The following LRRC31 variants were observed in gnomAD, a reference collection of about 807,000 sequenced individuals.
The protein encoded by LRRC31 is leucine-rich repeat-containing protein 31.
LRRC31 carries 35 observed loss-of-function variants against 46.7 expected under a neutral mutation model. The observed-to-expected ratio is 0.75, with a 90% CI of 0.57 to 0.99. LRRC31 has a LOEUF of 0.99. Ranked by LOEUF, LRRC31 falls within the 50% of genes least tolerant of loss-of-function variation. LRRC31 has a pLI of 0.00. For missense variants in LRRC31, 613 were observed against 626.1 expected, an observed-to-expected ratio of 0.98 and a Z score of 0.22; for synonymous variants, 236 against 235.1, an observed-to-expected ratio of 1.00 and a Z score of -0.03.
intron 5 of LRRC31, 94 bp downstream of exon 5, chr3:169,856,242 G>A (rs1052557564): frequency 2.2e-5 from 13 of 599,806 alleles, no homozygotes; most frequent in African/African-American, 4.0e-5. Flanking sequence ...TTTATATTTT[G>A]CTATATTTCC....
intron 8 of LRRC31, 68 bp downstream of exon 8, chr3:169,848,052 G>C: frequency 6.7e-7 from 1 of 1,495,208 alleles, no homozygotes. Context: ...CTCCCCACCT[G>C]GTGCTTTGCA....
At chr3:169,853,543 C>T in intron 6 of LRRC31, 1 of 985,740 alleles carries the variant, frequency 1.0e-6, no homozygotes, top group Non-Finnish European at 1.2e-6. Flanking sequence ...TTTAGTTGTA[C>T]CAAGGGAATC....
chr3:169,865,822 A>G (rs1179498849), intron 1 of LRRC31, among the ~76,000 whole-genome samples: 1 of 152,072 alleles, frequency 6.6e-6, no homozygotes, highest in Non-Finnish European at 1.5e-5. Flanking sequence ...GGAGTCATCC[A>G]GGTGGGTGGA....
At chr3:169,853,304 G>A (rs767429300) in intron 6 of LRRC31, 168 of 984,902 alleles carry the variant, frequency 1.7e-4, no homozygotes, top group Admixed American at 3.1e-4. Flanking sequence ...ATTTAACAGC[G>A]TAAAGTACAA....
chr3:169,861,870 A>C, intron 1 of LRRC31, 57 bp from the exon 2 acceptor site: 1 of 1,536,190 alleles, frequency 6.5e-7, no homozygotes, highest in Non-Finnish European at 8.9e-7. Flanking sequence ...TTAAAGATGC[A>C]TAATGACCAC....
In LRRC31 at chr3:169,857,822, A is replaced by G. The variant is rs543504640; in HGVS notation, c.488-950T>C. 3.2e-4 allele frequency among the ~76,000 whole-genome samples: 48 copies of G among 152,222 alleles called. 3 individuals are homozygous for G. The highest frequency in any genetic ancestry group is 6.8e-3 in the Middle Eastern group (2 of 294). ...CCATGGTTTATTCATTCCATGGATT[A>G]AGGTTTTAGAAGTCCAGGAACCCCA... On this transcript the variant is annotated intron_variant, in intron 3 of 8. Transcript: ENST00000316428.
intron 8 of LRRC31, among the ~76,000 whole-genome samples, chr3:169,843,154 G>A (rs922111241): frequency 2.0e-5 from 3 of 152,298 alleles, no homozygotes; most frequent in Non-Finnish European, 4.4e-5. Context: ...ACTGCTGGCA[G>A]AAGAGGAAGG....
At chr3:169,848,348 G>A in intron 7 of LRRC31, 61 bp from the exon 8 acceptor site, 1 of 1,505,766 alleles carries the variant, frequency 6.6e-7, no homozygotes, top group Non-Finnish European at 9.1e-7. Context: ...CATAGGCTTT[G>A]GATTTGAGGA....
At chr3:169,861,475 C>T (rs944093497) in intron 2 of LRRC31, among the ~76,000 whole-genome samples, 195 bp downstream of exon 2, 2 of 150,548 alleles carry the variant, frequency 1.3e-5, no homozygotes, top group African/African-American at 4.9e-5. Context: ...AGCTGAGATG[C>T]GTCACTGCAC....
chr3:169,866,365 A>C (rs1781333651), intron 1 of LRRC31, among the ~76,000 whole-genome samples: 1 of 152,088 alleles, frequency 6.6e-6, no homozygotes, highest in Non-Finnish European at 1.5e-5. Context: ...GAAATGAAGA[A>C]CCAAGCAGCT....
Position 169,856,736 on chromosome 3 carries a change from G to A in LRRC31, c.624C>T (p.Cys208=), listed in dbSNP as rs762149725. 1.2e-5 allele frequency: 19 copies of A among 1,597,142 alleles called. No individual in the cohort carries two copies. Among genetic ancestry groups the A allele is most frequent in the Non-Finnish European group, 1.6e-5 (19 of 1,171,702 alleles). Residue 208 remains cysteine (C), a synonymous_variant, in exon 4 of 9, where the codon TGC becomes TGT. Transcript: ENST00000316428. ...SKIQMIELVD[C]SLTSEDGTFL... is the part of the protein sequence containing the mutation. Reference sequence around the variant, plus strand: ...ATGTCCCATCTTCTGACGTGAGGGAGCAATCCACAAGCTCAATCATTTGTA... The same window carrying A: ...ATGTCCCATCTTCTGACGTGAGGGAACAATCCACAAGCTCAATCATTTGTA...
chr3:169,853,163 T>C, intron 6 of LRRC31: 1 of 955,764 alleles, frequency 1.0e-6, no homozygotes, highest in Non-Finnish European at 1.2e-6. Context: ...CCCTGAGAGT[T>C]GGGATTTTCT....
In LRRC31 at chr3:169,848,124, G is replaced by A. The variant is rs202118245; in HGVS notation, c.1323C>T (p.Leu441=). The change falls in exon 8 of 9, where the codon CTC becomes CTT. Residue 441 remains leucine (L), a synonymous_variant. Coordinates refer to ENST00000316428, the MANE Select transcript of LRRC31 (RefSeq NM_024727.4). The stretch of plus-strand genomic sequence containing the variant: ...TGGGAACAAGTAGATACACACCCAG[G>A]AGAGCCACATCCTCTGTCACCAGGG... ...SCSLVTEDVA[L]LASVIQTGHL... is the part of the protein sequence containing the mutation. The A allele has an allele frequency of 1.2e-6, 2 of 1,612,478 alleles. No homozygotes were observed. Among genetic ancestry groups the A allele is most frequent in the South Asian group, 1.1e-5 (1 of 90,966 alleles).
At position 169,840,264 on chromosome 3, in the gene LRRC31, C is replaced by T. The variant is rs750508366; in HGVS notation, c.1377G>A (p.Leu459=). The part of the protein sequence containing the change: ...GHLAKLQKLD[L]SYNDSICDAG... Reference sequence around the variant, plus strand: ...CATCACAGATGCTGTCATTGTAGCTCAGGTCCAGCTTTTGCAGTTTGGCCA... The same window carrying T: ...CATCACAGATGCTGTCATTGTAGCTTAGGTCCAGCTTTTGCAGTTTGGCCA... The change falls in exon 9 of 9, where the codon CTG becomes CTA. Residue 459 remains leucine, a synonymous_variant. Coordinates refer to ENST00000316428, the MANE Select transcript of LRRC31 (RefSeq NM_024727.4). 2.5e-6 allele frequency: 4 copies of T among 1,614,136 alleles called. No individual in the cohort carries two copies. Among genetic ancestry groups the T allele is most frequent in the Non-Finnish European group, 2.5e-6 (3 of 1,180,016 alleles).
chr3:169,839,839 T>C lies in LRRC31; in HGVS notation c.*143A>G, dbSNP rs2108192997. 3.6e-6 allele frequency: 1 copy of C among 276,742 alleles called. No homozygotes were observed. Among genetic ancestry groups the C allele is most frequent in the Non-Finnish European group, 6.6e-6 (1 of 150,888 alleles). 17.1% of individuals were successfully genotyped at this position (276,742 alleles called of 1,614,324 possible). On this transcript the variant is annotated 3_prime_UTR_variant, in exon 9 of 9. Transcript: ENST00000316428. ...GTATATTACATATATATATGTAATATATATATATATTTACAAAGCTCTTGT... is the reference window on the plus strand; with the variant it reads ...GTATATTACATATATATATGTAATACATATATATATTTACAAAGCTCTTGT...
chr3:169,853,395 T>C (rs1560626824), intron 6 of LRRC31: 1 of 985,300 alleles, frequency 1.0e-6, no homozygotes, highest in Non-Finnish European at 1.2e-6. Context: ...ATCAAATAAT[T>C]ATTAGTTTTC....
intron 6 of LRRC31, 121 bp downstream of exon 6, chr3:169,854,692 A>G (rs1293516624): frequency 1.3e-6 from 1 of 765,670 alleles, no homozygotes; most frequent in African/African-American, 1.7e-5. Context: ...AACTGTTATG[A>G]ATTGATCTTT....
chr3:169,853,376 A>C (rs1354977521), intron 6 of LRRC31: 1 of 985,316 alleles, frequency 1.0e-6, no homozygotes, highest in African/African-American at 1.7e-5. Context: ...AATGCAATTC[A>C]TTACAGTTAT....
chr3:169,865,852 G>C (rs1478211299), intron 1 of LRRC31, among the ~76,000 whole-genome samples: 1 of 152,028 alleles, frequency 6.6e-6, no homozygotes, highest in Non-Finnish European at 1.5e-5. Context: ...GGGATAAGTC[G>C]GGGGGTTGCA....
Sources: allele counts gnomAD v4.1 joint callset (sites outside exome capture counted in the v4.1 genomes callset), GRCh38; gene constraint gnomAD v4.1.1; transcripts MANE v1.5; gene names NCBI Gene and HGNC (gene_info 2026-07-23, HGNC 2026-07-21).